Variants in COL4A6 observed in about 807,000 individuals in gnomAD.
COL4A6 encodes the protein collagen type IV alpha 6 chain.
In COL4A6, 59 loss-of-function variants were observed where a neutral mutation model predicts 126.7. The observed-to-expected ratio is 0.47, with a 90% CI of 0.38 to 0.58. The LOEUF (loss-of-function observed/expected upper bound fraction) is 0.58, where lower values mean the gene tolerates loss of function less well. COL4A6 is among the 20% of genes least tolerant of loss of function. The pLI is 0.00. For synonymous variants in COL4A6, 547 were observed against 496.6 expected (o/e 1.10, Z -1.35); for missense variants, 1,285 against 1,337.3 (o/e 0.96, Z 0.61).
intron 2 of COL4A6, among the ~76,000 whole-genome samples, chrX:108,328,864 C>T (rs1334527933): frequency 1.8e-5 from 2 of 111,950 alleles, no homozygotes; most frequent in Admixed American, 9.5e-5. Context: ...TACATATGTA[C>T]ATGGAGAAAT....
At chrX:108,222,542 T>C (rs901734300) in intron 3 of COL4A6, among the ~76,000 whole-genome samples, 3 of 112,020 alleles carry the variant, frequency 2.7e-5, no homozygotes, top group African/African-American at 9.7e-5. Context: ...GAGATGCAAG[T>C]GGCCACCAGC....
At chrX:108,168,827 T>A (rs1001541695) in intron 37 of COL4A6, among the ~76,000 whole-genome samples, 1 of 111,809 alleles carries the variant, frequency 8.9e-6, no homozygotes, top group African/African-American at 3.3e-5. Flanking sequence ...CTATGGTGAA[T>A]TCATTTCCTG....
chrX:108,283,250 ATC>A (rs1285583469), intron 3 of COL4A6, among the ~76,000 whole-genome samples: 1 of 112,143 alleles, frequency 8.9e-6, no homozygotes, highest in Non-Finnish European at 1.9e-5. Flanking sequence ...GGGCTTGGTG[ATC>A]CACAGTTTGA....
At chrX:108,286,239 T>C (rs1457549633) in intron 3 of COL4A6, among the ~76,000 whole-genome samples, 2 of 112,010 alleles carry the variant, frequency 1.8e-5, no homozygotes, top group East Asian at 5.6e-4. Context: ...GGGGCTGGAA[T>C]TTAAACAACC....
At chrX:108,317,832 C>T (rs1362231349) in intron 2 of COL4A6, among the ~76,000 whole-genome samples, 1 of 111,857 alleles carries the variant, frequency 8.9e-6, no homozygotes, top group Non-Finnish European at 1.9e-5. Flanking sequence ...TGACTGTAGC[C>T]TTGTAGTATA....
chrX:108,436,774 T>A (rs758048168), intron 2 of COL4A6, among the ~76,000 whole-genome samples: 12 of 112,008 alleles, frequency 1.1e-4, no homozygotes, highest in Non-Finnish European at 1.9e-4. Context: ...GGCATCTTCC[T>A]CTCTTTACAA....
At chrX:108,240,273 C>A (rs767318052) in intron 3 of COL4A6, among the ~76,000 whole-genome samples, 13 of 111,002 alleles carry the variant, frequency 1.2e-4, no homozygotes, top group African/African-American at 2.0e-4. Flanking sequence ...ACAACAACAA[C>A]AAAAAAGAAT....
intron 2 of COL4A6, among the ~76,000 whole-genome samples, chrX:108,364,643 TTTTCAGC>T (rs1342950511): frequency 9.0e-6 from 1 of 111,113 alleles, no homozygotes; most frequent in Non-Finnish European, 1.9e-5. Context: ...GTGTACACAT[TTTTCAGC>T]TCTCACTTAT....
chrX:108,359,127 TATC>T (rs1277108695), intron 2 of COL4A6, among the ~76,000 whole-genome samples: 2 of 112,529 alleles, frequency 1.8e-5, no homozygotes, highest in Admixed American at 9.4e-5. Context: ...CCCTTTCTTG[TATC>T]ATCAACCTTT....
intron 2 of COL4A6, among the ~76,000 whole-genome samples, chrX:108,414,719 G>A (rs1346366619): frequency 1.8e-5 from 2 of 110,992 alleles, no homozygotes. Context: ...TTGAGCCTGG[G>A]AAGTTGAGGC....
chrX:108,194,438 G>A, intron 16 of COL4A6, 96 bp downstream of exon 16: 1 of 899,889 alleles, frequency 1.1e-6, no homozygotes, highest in Non-Finnish European at 1.5e-6. Flanking sequence ...AACTTAAAAG[G>A]TCAAAATATT....
intron 8 of COL4A6, 98 bp downstream of exon 8, chrX:108,209,871 G>A: frequency 2.2e-6 from 2 of 921,284 alleles, no homozygotes; most frequent in Non-Finnish European, 1.5e-6. Flanking sequence ...TTTCCTTGAG[G>A]TCTACAAAGA....
chrX:108,366,191 A>C (rs2040194729), intron 2 of COL4A6, among the ~76,000 whole-genome samples: 1 of 111,906 alleles, frequency 8.9e-6, no homozygotes, highest in South Asian at 3.7e-4. Context: ...TGATCCTCCC[A>C]ACAACCCTCT....
Position 108,206,584 on chromosome X carries a change from G to A in COL4A6, c.547-4C>T, listed in dbSNP as rs1394077945. 8.3e-7 allele frequency: 1 copy of A among 1,207,557 alleles called. No homozygotes were observed. The highest frequency in any genetic ancestry group is 1.8e-5 in the South Asian group (1 of 56,667). On this transcript the variant is annotated splice_region_variant and splice_polypyrimidine_tract_variant and intron_variant, in intron 8 of 44. Transcript: ENST00000334504. The stretch of plus-strand genomic sequence containing the variant: ...ATCCGGGTGCTCCTTGTGGGCCCTA[G>A]AGAGGCAAGTTTTTACCAAGTTCAA...
intron 2 of COL4A6, among the ~76,000 whole-genome samples, chrX:108,386,183 T>C (rs2040686868): frequency 9.0e-6 from 1 of 111,639 alleles, no homozygotes; most frequent in Admixed American, 9.5e-5. Context: ...TAAACATACA[T>C]GTGCATGTCT....
At position 108,226,638 on chromosome X, in the gene COL4A6, G is replaced by A. The variant is rs906321950; in HGVS notation, c.145-5264C>T. Among the ~76,000 whole-genome samples the A allele has an allele frequency of 5.4e-5, 6 of 110,434 alleles. No homozygotes were observed. In the East Asian group the frequency reaches 1.7e-3, roughly 32 times the overall value. On this transcript the variant is annotated intron_variant, in intron 3 of 44. Coordinates refer to ENST00000334504, the MANE Select transcript of COL4A6 (RefSeq NM_033641.4). ...AAATATTCCAACTCAAACCCAACAT[G>A]CCCCAAACTGAACCACATTGGCTTC...
chrX:108,310,755 C>T lies in COL4A6; in HGVS notation c.137G>A (p.Gly46Glu). 2.5e-6 allele frequency: 3 copies of T among 1,209,100 alleles called. No homozygotes were observed. Among genetic ancestry groups the T allele is most frequent in the Non-Finnish European group, 3.4e-6 (3 of 893,281 alleles). Residue 46 changes from glycine to glutamate, a missense_variant, in exon 3 of 45, where the codon GGA becomes GAA. By Grantham distance (98) the Gly-to-Glu change is moderately conservative (BLOSUM62 -2). Transcript: ENST00000334504. ...ATGAAATAAGCAACTTACTCTCGCT[C>T]CTTTCTCAGGAAAACACTGACAGCT... ...SGSCQCFPEK[G>E]ARGRPGPIGI...
chrX:108,165,422 G>A lies in COL4A6; in HGVS notation c.3756C>T (p.Leu1252=). ...PGAPGISLPS[L]IAGQPGDPGR... ...CGGGGTCACCAGGCTGTCCTGCTAT[G>A]AGTGAGGGCAAGGAGATGCCTGGGG... is the stretch of plus-strand genomic sequence containing the variant. The change falls in exon 38 of 45, where the codon CTC becomes CTT. Residue 1252 remains leucine (L), a synonymous_variant. Coordinates refer to ENST00000334504, the MANE Select transcript of COL4A6 (RefSeq NM_033641.4). 8.3e-7 allele frequency: 1 copy of A among 1,209,129 alleles called. No homozygotes were observed. The highest frequency in any genetic ancestry group is 1.1e-6 in the Non-Finnish European group (1 of 894,626).
intron 23 of COL4A6, among the ~76,000 whole-genome samples, chrX:108,181,972 T>C (rs1471926810): frequency 8.9e-6 from 1 of 112,397 alleles, no homozygotes; most frequent in African/African-American, 3.2e-5. Flanking sequence ...TTCTGAAAAA[T>C]ATGTACACAT....
Sources: gnomAD v4.1 joint callset for allele counts (sites outside exome capture counted in the v4.1 genomes callset) on GRCh38, gnomAD v4.1.1 for gene constraint, MANE v1.5 for transcripts, NCBI Gene and HGNC (gene_info 2026-07-23, HGNC 2026-07-21) for gene names.